Variants in IL1RAPL2 observed in about 807,000 individuals in gnomAD.
The protein encoded by IL1RAPL2 is interleukin 1 receptor accessory protein like 2.
In IL1RAPL2, 3 loss-of-function variants were observed where a neutral mutation model predicts 44.1. The observed-to-expected ratio is 0.07, with a 90% CI of 0.03 to 0.18. IL1RAPL2 has a LOEUF of 0.18. Among genes scored for constraint, IL1RAPL2 ranks in the 10% least tolerant of loss-of-function variants. The pLI is 1.00. For missense variants in IL1RAPL2, 391 were observed against 496.4 expected (o/e 0.79, Z 2.02); for synonymous variants, 181 against 178.8 (o/e 1.01, Z -0.10).
intron 5 of IL1RAPL2, among the ~76,000 whole-genome samples, chrX:105,440,757 A>G (rs901507135): frequency 2.7e-5 from 3 of 112,220 alleles, no homozygotes; most frequent in Non-Finnish European, 3.8e-5. Context: ...GTCTCCACCA[A>G]AATTTCACCT....
intron 2 of IL1RAPL2, among the ~76,000 whole-genome samples, chrX:105,168,321 G>A (rs1287754990): frequency 9.0e-6 from 1 of 111,009 alleles, no homozygotes; most frequent in African/African-American, 3.3e-5. Flanking sequence ...TCCTCTAAAT[G>A]CGGGGCTATT....
At chrX:104,859,028 A>G (rs1248700216) in intron 2 of IL1RAPL2, among the ~76,000 whole-genome samples, 1 of 111,803 alleles carries the variant, frequency 8.9e-6, no homozygotes, top group Non-Finnish European at 1.9e-5. Flanking sequence ...TGATTGACCT[A>G]CCCTATTCAG....
At chrX:104,708,348 T>C (rs2147556146) in intron 2 of IL1RAPL2, among the ~76,000 whole-genome samples, 1 of 111,093 alleles carries the variant, frequency 9.0e-6, no homozygotes, top group African/African-American at 3.3e-5. Context: ...CTTATTTTTA[T>C]CTCCTCATGC....
At chrX:105,761,110 C>T (rs1350578878) in intron 10 of IL1RAPL2, among the ~76,000 whole-genome samples, 1 of 104,354 alleles carries the variant, frequency 9.6e-6, no homozygotes, top group Non-Finnish European at 1.9e-5. Context: ...ACCCAGGAGA[C>T]GAAGGTTGCA....
chrX:104,730,645 C>T (rs1425658652), intron 2 of IL1RAPL2, among the ~76,000 whole-genome samples: 3 of 104,935 alleles, frequency 2.9e-5, no homozygotes, highest in Non-Finnish European at 4.0e-5. Flanking sequence ...GGGTTGGTTC[C>T]AAGTCTTTGC....
At chrX:105,068,581 CTGAG>C (rs1425488283) in intron 2 of IL1RAPL2, among the ~76,000 whole-genome samples, 1 of 111,756 alleles carries the variant, frequency 8.9e-6, no homozygotes, top group Non-Finnish European at 1.9e-5. Context: ...CCTGGGATCT[CTGAG>C]TGAGCATTGG....
intron 6 of IL1RAPL2, among the ~76,000 whole-genome samples, chrX:105,643,714 C>T (rs1435323744): frequency 9.0e-6 from 1 of 111,449 alleles, no homozygotes; most frequent in Non-Finnish European, 1.9e-5. Flanking sequence ...CATTTGCCAC[C>T]TTTCATGTCC....
At chrX:104,672,829 G>A (rs1276784827) in intron 2 of IL1RAPL2, among the ~76,000 whole-genome samples, 2 of 111,205 alleles carry the variant, frequency 1.8e-5, no homozygotes, top group African/African-American at 6.6e-5. Context: ...GTTTTGATTT[G>A]CATTTCTCTG....
At chrX:104,928,675 C>CA (rs1175947192) in intron 2 of IL1RAPL2, among the ~76,000 whole-genome samples, 9 of 111,139 alleles carry the variant, frequency 8.1e-5, no homozygotes, top group Non-Finnish European at 1.7e-4. Context: ...AAGCACTGGC[C>CA]AAAAAATGTA....
intron 2 of IL1RAPL2, among the ~76,000 whole-genome samples, chrX:104,865,253 A>G (rs1163886079): frequency 8.9e-6 from 1 of 112,132 alleles, no homozygotes; most frequent in African/African-American, 3.2e-5. Context: ...TACCTTTATC[A>G]TATGACATAA....
At chrX:105,372,054 G>T (rs1321078449) in intron 5 of IL1RAPL2, among the ~76,000 whole-genome samples, 2 of 111,420 alleles carry the variant, frequency 1.8e-5, no homozygotes, top group Non-Finnish European at 3.8e-5. Context: ...CATTTTCACA[G>T]GTTTTTAAGT....
intron 6 of IL1RAPL2, among the ~76,000 whole-genome samples, chrX:105,522,348 A>G (rs1174147255): frequency 1.8e-5 from 2 of 112,553 alleles, no homozygotes; most frequent in African/African-American, 6.4e-5. Context: ...CCTGTATGAG[A>G]TCTATCATCT....
chrX:105,314,604 T>C (rs2086665838), intron 5 of IL1RAPL2, among the ~76,000 whole-genome samples: 1 of 111,814 alleles, frequency 8.9e-6, no homozygotes, highest in Admixed American at 9.6e-5. Context: ...CCCAAAAGGC[T>C]GAGTCATTTT....
chrX:105,528,799 T>C lies in IL1RAPL2; in HGVS notation c.772+44412T>C, dbSNP rs73529010. ...AAAGTTTAACATTGATAAGATACTATGTCTAACACATATACTATATTGAAA... is the reference window on the plus strand; with the variant it reads ...AAAGTTTAACATTGATAAGATACTACGTCTAACACATATACTATATTGAAA... On this transcript the variant is annotated intron_variant, in intron 6 of 10. Transcript: ENST00000372582. Among the ~76,000 whole-genome samples the C allele has an allele frequency of 3.8e-3, 419 of 111,497 alleles. 3 individuals are homozygous for C. Among genetic ancestry groups the C allele is most frequent in the African/African-American group, 0.013 (400 of 30,832 alleles).
chrX:105,635,349 T>C (rs928707125), intron 6 of IL1RAPL2, among the ~76,000 whole-genome samples: 2 of 111,528 alleles, frequency 1.8e-5, no homozygotes. Context: ...ATCACACTGA[T>C]GGGGTAGGAA....
intron 2 of IL1RAPL2, among the ~76,000 whole-genome samples, chrX:104,925,878 C>T (rs1434781873): frequency 9.0e-6 from 1 of 111,727 alleles, no homozygotes; most frequent in Non-Finnish European, 1.9e-5. Context: ...AAATAAAGAG[C>T]ATGCAAATAG....
intron 6 of IL1RAPL2, among the ~76,000 whole-genome samples, chrX:105,611,564 C>T (rs2037336489): frequency 9.0e-6 from 1 of 111,724 alleles, no homozygotes; most frequent in Non-Finnish European, 1.9e-5. Flanking sequence ...CTACAGTATT[C>T]AGTACAGTAA....
intron 2 of IL1RAPL2, among the ~76,000 whole-genome samples, chrX:105,027,772 T>C (rs1291637989): frequency 9.0e-6 from 1 of 111,417 alleles, no homozygotes; most frequent in Non-Finnish European, 1.9e-5. Context: ...AGTTGGGAAG[T>C]TCCTCAAAAA....
intron 5 of IL1RAPL2, among the ~76,000 whole-genome samples, chrX:105,398,874 C>G (rs973201459): frequency 8.9e-6 from 1 of 111,853 alleles, no homozygotes; most frequent in Non-Finnish European, 1.9e-5. Context: ...GTTTTCTCTA[C>G]AGTGCCCAAC....
Sources: allele counts gnomAD v4.1 joint callset (sites outside exome capture counted in the v4.1 genomes callset), GRCh38; gene constraint gnomAD v4.1.1; transcripts MANE v1.5; gene names NCBI Gene and HGNC (gene_info 2026-07-23, HGNC 2026-07-21).